Variants in NSUN3 observed in about 807,000 individuals in gnomAD.
The protein encoded by NSUN3 is tRNA (cytosine(34)-C(5))-methyltransferase, mitochondrial.
Under a neutral mutation model 36.8 loss-of-function variants are expected in NSUN3, and 24 were observed. The ratio of observed to expected loss-of-function variants is 0.65; its 90% confidence interval spans 0.47 to 0.92. The LOEUF is 0.92. Among genes scored for constraint, NSUN3 ranks in the 40% least tolerant of loss-of-function variants. The pLI is 0.00. For synonymous variants in NSUN3, 146 were observed against 145.2 expected (o/e 1.01, Z -0.04); for missense variants, 381 against 392.8 (o/e 0.97, Z 0.25).
intron 2 of NSUN3, chr3:94,081,794 A>G (rs1248003651): frequency 6.6e-6 from 1 of 152,226 alleles, no homozygotes; most frequent in Non-Finnish European, 1.5e-5. Context: ...GATTGGAAAA[A>G]TTGACTGCAA....
chr3:94,111,051 A>G (rs1398493658), intron 5 of NSUN3, among the ~76,000 whole-genome samples: 1 of 152,142 alleles, frequency 6.6e-6, no homozygotes, highest in African/African-American at 2.4e-5. Context: ...ACAGCCTACT[A>G]CTACACACCT....
intron 5 of NSUN3, among the ~76,000 whole-genome samples, chr3:94,101,373 G>A (rs2077365527): frequency 1.3e-5 from 2 of 151,868 alleles, no homozygotes; most frequent in Admixed American, 6.6e-5. Context: ...ACATATAACA[G>A]TATATATAAT....
At chr3:94,122,745 C>A (rs892102259) in intron 5 of NSUN3, among the ~76,000 whole-genome samples, 1 of 152,046 alleles carries the variant, frequency 6.6e-6, no homozygotes, top group African/African-American at 2.4e-5. Flanking sequence ...AGAACACTTA[C>A]ACGCCCACCC....
rs146076890 is a variant in NSUN3 at position 94,096,900 on chromosome 3, C to G, written c.743+1746C>G. On this transcript the variant is annotated intron_variant, in intron 5 of 5. Transcript: ENST00000314622. ...TGTGATGGCTTATTAACATTGTAAT[C>G]TACATTTTTTAAAACCATAAGTAAG... 3.1e-3 allele frequency among the ~76,000 whole-genome samples: 478 copies of G among 152,254 alleles called. 3 individuals carry two copies. Among genetic ancestry groups the G allele is most frequent in the African/African-American group, 0.011 (447 of 41,558 alleles).
At position 94,128,221 on chromosome 3, in the gene NSUN3, T is replaced by G. The variant is rs2077495371; in HGVS notation, c.*1731T>G. The G allele has an allele frequency of 6.6e-6, 1 of 151,834 alleles. No homozygotes were observed. The highest frequency in any genetic ancestry group is 2.4e-5 in the African/African-American group (1 of 41,324). 9.4% of individuals were successfully genotyped at this position (151,834 alleles called of 1,614,324 possible). ...CCTGGGCGACAAGAGTGAAACCCCGTAGCAAAAAAATAATAATAATAGTAA... is the reference window on the plus strand; with the variant it reads ...CCTGGGCGACAAGAGTGAAACCCCGGAGCAAAAAAATAATAATAATAGTAA... On this transcript the variant is annotated 3_prime_UTR_variant, in exon 6 of 6. Coordinates refer to ENST00000314622, the MANE Select transcript of NSUN3 (RefSeq NM_022072.5).
At chr3:94,110,636 T>C (rs1474608215) in intron 5 of NSUN3, among the ~76,000 whole-genome samples, 1 of 152,054 alleles carries the variant, frequency 6.6e-6, no homozygotes, top group African/African-American at 2.4e-5. Flanking sequence ...TTCCACGATA[T>C]CATAAACAAT....
chr3:94,122,479 G>T (rs1460337853), intron 5 of NSUN3, among the ~76,000 whole-genome samples: 1 of 151,950 alleles, frequency 6.6e-6, no homozygotes, highest in Non-Finnish European at 1.5e-5. Flanking sequence ...CTATCCCAAG[G>T]ATTTATGTCA....
rs773433242 is a variant in NSUN3 at position 94,064,516 on chromosome 3, A to G, written c.92A>G (p.Lys31Arg). The G allele has an allele frequency of 6.2e-7, 1 of 1,610,892 alleles. No individual in the cohort carries two copies. Among genetic ancestry groups the G allele is most frequent in the Non-Finnish European group, 8.5e-7 (1 of 1,177,120 alleles). Residue 31 changes from lysine to arginine, a missense_variant, in exon 2 of 6, where the codon AAA becomes AGA. By Grantham distance (26) the Lys-to-Arg change is conservative. Coordinates refer to ENST00000314622, the MANE Select transcript of NSUN3 (RefSeq NM_022072.5). ...GATCATTTTGAAAAACAGTATTCCA[A>G]AGAACTCGGAGATGCCTGGAATACA... ...VLDHFEKQYS[K>R]ELGDAWNTVR...
At chr3:94,113,710 T>C (rs1313380914) in intron 5 of NSUN3, among the ~76,000 whole-genome samples, 2 of 152,206 alleles carry the variant, frequency 1.3e-5, no homozygotes, top group Non-Finnish European at 2.9e-5. Flanking sequence ...CTTATTTTCT[T>C]GCTGAGTCAA....
intron 2 of NSUN3, among the ~76,000 whole-genome samples, chr3:94,082,434 TC>T (rs1310099750): frequency 7.2e-5 from 11 of 152,260 alleles, no homozygotes; most frequent in African/African-American, 2.6e-4. Flanking sequence ...GAGGTTGTCA[TC>T]CTCCAAAATA....
chr3:94,105,288 A>G (rs1315080025), intron 5 of NSUN3, among the ~76,000 whole-genome samples: 1 of 152,050 alleles, frequency 6.6e-6, no homozygotes, highest in Non-Finnish European at 1.5e-5. Flanking sequence ...GGGCTGAAAA[A>G]CCACGATCCA....
chr3:94,097,641 T>C (rs2077348513), intron 5 of NSUN3, among the ~76,000 whole-genome samples: 1 of 152,212 alleles, frequency 6.6e-6, no homozygotes, highest in African/African-American at 2.4e-5. Flanking sequence ...GTTGAATTGT[T>C]CTCCAAAAAG....
chr3:94,098,171 C>A (rs1294884243), intron 5 of NSUN3, among the ~76,000 whole-genome samples: 1 of 152,018 alleles, frequency 6.6e-6, no homozygotes, highest in East Asian at 1.9e-4. Flanking sequence ...AGTCAGACAC[C>A]CATCTTCAAC....
At chr3:94,069,894 G>C (rs1215919140) in intron 2 of NSUN3, among the ~76,000 whole-genome samples, 1 of 152,092 alleles carries the variant, frequency 6.6e-6, no homozygotes, top group Non-Finnish European at 1.5e-5. Flanking sequence ...CACACAGTGT[G>C]ATATATTAGT....
At position 94,063,106 on chromosome 3, in the gene NSUN3, T is replaced by C. The variant is rs1257154747; in HGVS notation, c.-21T>C. On this transcript the variant is annotated 5_prime_UTR_variant, in exon 1 of 6. Transcript: ENST00000314622. ...ATACTGATTCGCGTACACCTGTTGT[T>C]TGAAAGCTCTCAGCGGGACAATGCT... The C allele has an allele frequency of 1.2e-6, 2 of 1,614,010 alleles. No individual in the cohort carries two copies. The highest frequency in any genetic ancestry group is 1.7e-6 in the Non-Finnish European group (2 of 1,179,958).
chr3:94,070,740 G>A (rs2077222093), intron 2 of NSUN3, among the ~76,000 whole-genome samples: 1 of 152,130 alleles, frequency 6.6e-6, no homozygotes, highest in African/African-American at 2.4e-5. Flanking sequence ...TCTATGCTAT[G>A]TTCCTCCAGG....
intron 5 of NSUN3, among the ~76,000 whole-genome samples, chr3:94,111,077 G>C (rs1452114509): frequency 6.6e-6 from 1 of 152,134 alleles, no homozygotes; most frequent in Admixed American, 6.6e-5. Flanking sequence ...ATATGGTATA[G>C]CCTGTTGCTC....
rs1341408207 is a variant in NSUN3 at position 94,131,407 on chromosome 3, T to G, written c.*4917T>G. 6.6e-6 allele frequency among the ~76,000 whole-genome samples: 1 copy of G among 152,178 alleles called. No homozygotes were observed. The highest frequency in any genetic ancestry group is 2.4e-5 in the African/African-American group (1 of 41,424). ...TGTAGGTTGTTTGAACCCTCAAGAT[T>G]ATTAACTGACTTTACCCCTATTTTC... On this transcript the variant is annotated 3_prime_UTR_variant, in exon 6 of 6. Transcript: ENST00000314622.
chr3:94,068,159 T>C lies in NSUN3; in HGVS notation c.122+3613T>C, dbSNP rs548458619. 2.0e-4 allele frequency among the ~76,000 whole-genome samples: 30 copies of C among 152,286 alleles called. No individual in the cohort carries two copies. In the South Asian group the frequency reaches 5.2e-3, roughly 26 times the overall value. On this transcript the variant is annotated intron_variant, in intron 2 of 5. Transcript: ENST00000314622. ...CGTCTGTAAAATGGGGAAAAAATAG[T>C]ATCTATTTCATATAATCATTTGGGA...
Sources: gnomAD v4.1 joint callset for allele counts (sites outside exome capture counted in the v4.1 genomes callset) on GRCh38, gnomAD v4.1.1 for gene constraint, MANE v1.5 for transcripts, NCBI Gene and HGNC (gene_info 2026-07-23, HGNC 2026-07-21) for gene names.